Variants in TENM3 observed in about 807,000 individuals in gnomAD.
TENM3 encodes the protein teneurin-3.
Under a neutral mutation model 255.1 loss-of-function variants are expected in TENM3, and 63 were observed. The observed-to-expected ratio is 0.25, with a 90% CI of 0.20 to 0.30. The LOEUF (loss-of-function observed/expected upper bound fraction) is 0.30, where lower values mean the gene tolerates loss of function less well. TENM3 is among the 10% of genes least tolerant of loss of function. TENM3 has a pLI of 1.00. For missense variants in TENM3, 2,929 were observed against 3,461.1 expected (o/e 0.85, Z 3.86); for synonymous variants, 1,306 against 1,322.3 (o/e 0.99, Z 0.27).
At chr4:182,374,313 A>G (rs1301598946) in intron 3 of TENM3, among the ~76,000 whole-genome samples, 1 of 152,120 alleles carries the variant, frequency 6.6e-6, no homozygotes, top group Non-Finnish European at 1.5e-5. Context: ...TTTCTTGGCC[A>G]CTTCGTTGAT....
At chr4:182,131,826 G>A in the TENM3 span, among the ~76,000 whole-genome samples, 1 of 152,140 alleles carries the variant, frequency 6.6e-6, no homozygotes, top group Non-Finnish European at 1.5e-5. Flanking sequence ...ACTCCCTAAG[G>A]TGTTCTAGTG....
chr4:182,779,989 C>T (rs1322896653), intron 24 of TENM3, among the ~76,000 whole-genome samples: 3 of 150,398 alleles, frequency 2.0e-5, no homozygotes, highest in Non-Finnish European at 4.5e-5. Flanking sequence ...CGAAAATTTT[C>T]TCCCATTTTG....
intron 1 of TENM3, among the ~76,000 whole-genome samples, chr4:182,313,104 A>T (rs921741087): frequency 4.0e-5 from 6 of 151,696 alleles, no homozygotes; most frequent in African/African-American, 1.5e-4. Flanking sequence ...TATTATCTTT[A>T]TTTTTTTCTT....
chr4:182,158,710 C>A (rs1750888085), intron 1 of TENM3, among the ~76,000 whole-genome samples: 1 of 152,160 alleles, frequency 6.6e-6, no homozygotes, highest in Non-Finnish European at 1.5e-5. Flanking sequence ...CTCTCCATCT[C>A]TGCCTCCCAG....
At chr4:181,583,453 C>T in the TENM3 span, among the ~76,000 whole-genome samples, 2 of 152,130 alleles carry the variant, frequency 1.3e-5, no homozygotes, top group South Asian at 2.1e-4. Context: ...TTTTCATGCT[C>T]AAAAATGTCC....
chr4:182,673,097 A>G lies in TENM3; in HGVS notation c.1204A>G (p.Ile402Val). The change falls in exon 7 of 28, where the codon ATC becomes GTC. Residue 402 changes from isoleucine (I) to valine (V), a missense_variant. By Grantham distance (29) the Ile-to-Val change is conservative. This residue lies in a region of TENM3 where 1,608 missense variants were observed against 1,884.4 expected (regional missense o/e 0.85). Coordinates refer to ENST00000511685, the MANE Select transcript of TENM3 (RefSeq NM_001080477.4). ...RRAIQEIPPG[I>V]FWRSQLFIDQ... ...AGCAATTCAAGAGATTCCTCCCGGGATCTTCTGGAGATCACAGCTCTTCAT... is the reference window on the plus strand; with the variant it reads ...AGCAATTCAAGAGATTCCTCCCGGGGTCTTCTGGAGATCACAGCTCTTCAT... 1 of 1,613,352 alleles carries G rather than the reference A, an allele frequency of 6.2e-7. No homozygotes were observed. Among genetic ancestry groups the G allele is most frequent in the African/African-American group, 1.3e-5 (1 of 75,026 alleles).
At chr4:182,540,373 T>G (rs1298179873) in intron 3 of TENM3, among the ~76,000 whole-genome samples, 1 of 152,280 alleles carries the variant, frequency 6.6e-6, no homozygotes, top group East Asian at 1.9e-4. Context: ...GCGGATCACC[T>G]GAGGTCAGGA....
chr4:182,673,177 T>A lies in TENM3; in HGVS notation c.1284T>A (p.Ile428=), dbSNP rs762667041. The A allele has an allele frequency of 6.2e-6, 10 of 1,613,718 alleles. No individual in the cohort carries two copies. In the Admixed American group the frequency reaches 1.3e-4, roughly 22 times the overall value. ...FNISLQKDAL[I]GVYGRKGLPP... ...TCTCTCTTCAGAAGGATGCATTGAT[T>A]GGAGTATATGGCCGGAAAGGCTTAC... is the stretch of plus-strand genomic sequence containing the variant. Residue 428 remains isoleucine (I), a synonymous_variant, in exon 7 of 28, where the codon ATT becomes ATA. Transcript: ENST00000511685.
the TENM3 span, among the ~76,000 whole-genome samples, chr4:181,749,607 AAAG>A: frequency 1.3e-5 from 2 of 152,310 alleles, no homozygotes; most frequent in African/African-American, 4.8e-5. Context: ...CAGTGTTTCA[AAAG>A]AAGATTTCTT....
the TENM3 span, among the ~76,000 whole-genome samples, chr4:181,875,126 GA>G: frequency 6.6e-6 from 1 of 152,092 alleles, no homozygotes; most frequent in Non-Finnish European, 1.5e-5. Flanking sequence ...AGAGTAAAAG[GA>G]CATCTCATCA....
intron 3 of TENM3, among the ~76,000 whole-genome samples, chr4:182,383,242 A>G (rs1400041668): frequency 6.6e-6 from 1 of 152,130 alleles, no homozygotes; most frequent in East Asian, 1.9e-4. Flanking sequence ...TTATACATCA[A>G]GTTGGGAGAT....
chr4:182,450,273 G>C (rs1040003875), intron 3 of TENM3, among the ~76,000 whole-genome samples: 1 of 152,204 alleles, frequency 6.6e-6, no homozygotes, highest in Non-Finnish European at 1.5e-5. Context: ...TGTTAAAGTA[G>C]TACTTAAGAA....
Position 182,799,570 on chromosome 4 carries a change from C to T in TENM3, c.7345-26C>T, listed in dbSNP as rs749043968. On this transcript the variant is annotated intron_variant, in intron 27 of 27. Coordinates refer to ENST00000511685, the MANE Select transcript of TENM3 (RefSeq NM_001080477.4). This position sits in a 1 kb window ranked among gnomAD's most constrained non-coding sequence, Gnocchi z 4.2. ...GGGAGGCTCCCGGCCGCCTCTGACG[C>T]GCCCCCTCTTTTGTTTCGCCCGCAG... The T allele has an allele frequency of 1.3e-6, 2 of 1,530,184 alleles. No homozygotes were observed. Among genetic ancestry groups the T allele is most frequent in the South Asian group, 1.2e-5 (1 of 83,596 alleles). The allele number at this position is 1,530,184 out of a possible 1,614,324, so 94.8% of individuals were successfully genotyped here. A position where few individuals can be genotyped will look rare whatever the true frequency, so the allele number is the denominator to read the frequency against.
At chr4:182,169,406 G>A in intron 1 of TENM3, 1 of 431,528 alleles carries the variant, frequency 2.3e-6, no homozygotes, top group African/African-American at 2.1e-5. Context: ...ATCTGCACGA[G>A]GAAAAGAAGT....
the TENM3 span, among the ~76,000 whole-genome samples, chr4:181,974,392 A>C: frequency 6.6e-6 from 1 of 151,948 alleles, no homozygotes; most frequent in African/African-American, 2.4e-5. Flanking sequence ...ACATGGTGAA[A>C]CCCCATCTCT....
intron 13 of TENM3, among the ~76,000 whole-genome samples, chr4:182,721,200 C>A (rs1362639796): frequency 1.3e-5 from 2 of 152,142 alleles, no homozygotes; most frequent in East Asian, 1.9e-4. Context: ...TGTTAAGAAC[C>A]CCTGCATTAA....
the TENM3 span, among the ~76,000 whole-genome samples, chr4:181,527,160 G>A: frequency 6.6e-6 from 1 of 152,140 alleles, no homozygotes; most frequent in Non-Finnish European, 1.5e-5. Context: ...CTGTTTTCAT[G>A]AATGTCTTTT....
chr4:182,002,849 T>G, the TENM3 span, among the ~76,000 whole-genome samples: 2 of 152,142 alleles, frequency 1.3e-5, no homozygotes, highest in African/African-American at 4.8e-5. Context: ...TATTTTTCCC[T>G]TAAGCAACCA....
At chr4:182,064,231 G>A in the TENM3 span, among the ~76,000 whole-genome samples, 1 of 151,128 alleles carries the variant, frequency 6.6e-6, no homozygotes, top group Non-Finnish European at 1.5e-5. Flanking sequence ...ACTTCACATA[G>A]AGAAGTCATG....
Sources: allele counts gnomAD v4.1 joint callset (sites outside exome capture counted in the v4.1 genomes callset), GRCh38; gene constraint gnomAD v4.1.1; regional missense constraint gnomAD v4.1.1; non-coding constraint Gnocchi (gnomAD v3.1); transcripts MANE v1.5; gene names NCBI Gene and HGNC (gene_info 2026-07-23, HGNC 2026-07-21).